NEDD1: variants seen among roughly 807,000 people sequenced by gnomAD.
The protein encoded by NEDD1 is NEDD1 gamma-tubulin ring complex targeting factor.
Under a neutral mutation model 74.0 loss-of-function variants are expected in NEDD1, and 33 were observed. That is an observed-to-expected ratio of 0.45 (90% CI 0.34 to 0.60). The LOEUF is 0.60. NEDD1 is among the 20% of genes least tolerant of loss of function. NEDD1 has a pLI of 0.01. For synonymous variants in NEDD1, 250 were observed against 264.4 expected (o/e 0.95, Z 0.53); for missense variants, 746 against 776.5 (o/e 0.96, Z 0.47).
intron 12 of NEDD1, among the ~76,000 whole-genome samples, 184 bp downstream of exon 12, chr12:96,943,946 G>A (rs1477521936): frequency 6.6e-6 from 1 of 152,042 alleles, no homozygotes; most frequent in Non-Finnish European, 1.5e-5. Context: ...GGTTACAGCA[G>A]ATGGAAAGTT....
intron 7 of NEDD1, 124 bp downstream of exon 7, chr12:96,935,329 T>C (rs772518586): frequency 3.0e-4 from 187 of 631,026 alleles, no homozygotes; most frequent in Non-Finnish European, 4.8e-4. Context: ...GTACAGTTGA[T>C]GGATCTAGTA....
chr12:96,935,569 C>T (rs1026754917), intron 7 of NEDD1, among the ~76,000 whole-genome samples: 1 of 152,064 alleles, frequency 6.6e-6, no homozygotes. Flanking sequence ...ACATTTTGGG[C>T]TGGGTAATTC....
chr12:96,910,659 G>A lies in NEDD1; in HGVS notation c.136+764G>A, dbSNP rs79533977. Among the ~76,000 whole-genome samples the A allele has an allele frequency of 3.5e-3, 539 of 152,234 alleles. 2 individuals are homozygous for A. The highest frequency in any genetic ancestry group is 0.024 in the Middle Eastern group (7 of 294). ...CGTGGAGGTTTATTGGTCTTCACCC[G>A]TTAGGTACCAATAGCCTCTAGTTGT... On this transcript the variant is annotated intron_variant, in intron 3 of 15. Coordinates refer to ENST00000266742, the MANE Select transcript of NEDD1 (RefSeq NM_152905.4).
rs768315555 is a variant in NEDD1, at chr12:96,920,095, T to G, written c.459T>G (p.Ser153=). 3.1e-6 allele frequency: 5 copies of G among 1,603,386 alleles called. No homozygotes were observed. In the East Asian group the frequency reaches 1.1e-4, roughly 36 times the overall value. ...IILHSVTTNL[S]STPFGHGSNQ... ...TACACAGTGTAACCACTAATTTATC[T>G]AGTACTCCTTTTGGCCATGGTAGTA... Residue 153 remains serine (S), a synonymous_variant, in exon 6 of 16, where the codon TCT becomes TCG. Transcript: ENST00000266742.
At chr12:96,917,557 A>G (rs1874594483) in intron 4 of NEDD1, 64 bp from the exon 5 acceptor site, 1 of 1,444,398 alleles carries the variant, frequency 6.9e-7, no homozygotes, top group Non-Finnish European at 9.1e-7. Context: ...GTGTTGGATG[A>G]GACCTGAAAG....
intron 6 of NEDD1, among the ~76,000 whole-genome samples, chr12:96,924,560 G>T (rs1313710284): frequency 3.3e-5 from 5 of 152,058 alleles, no homozygotes; most frequent in South Asian, 2.1e-4. Context: ...ATTTTTTGAT[G>T]ATACATTTCT....
intron 4 of NEDD1, among the ~76,000 whole-genome samples, chr12:96,917,010 A>G (rs1565787899): frequency 6.6e-6 from 1 of 152,172 alleles, no homozygotes; most frequent in Non-Finnish European, 1.5e-5. Context: ...ATCAAGGGTT[A>G]TTCTGGGTTT....
chr12:96,918,493 C>T (rs1282837995), intron 5 of NEDD1, among the ~76,000 whole-genome samples: 1 of 152,090 alleles, frequency 6.6e-6, no homozygotes, highest in Non-Finnish European at 1.5e-5. Flanking sequence ...TCACTTACCC[C>T]ATCCCTGCAT....
intron 10 of NEDD1, among the ~76,000 whole-genome samples, chr12:96,941,601 G>T (rs907114206): frequency 5.3e-5 from 8 of 152,014 alleles, no homozygotes; most frequent in African/African-American, 1.7e-4. Context: ...AAGGTTTCTG[G>T]GATTAGTGCT....
At chr12:96,926,353 A>G (rs6538753) in intron 6 of NEDD1, among the ~76,000 whole-genome samples, 68,621 of 151,896 alleles carry the variant, frequency 0.45, 15,697 homozygotes, top group South Asian at 0.51. Context: ...AAATGGTTAT[A>G]TTTGTTTTGT....
intron 6 of NEDD1, among the ~76,000 whole-genome samples, chr12:96,923,829 T>TGTGTGTGTGTGTGTGTGA (rs1186193892): frequency 1.4e-5 from 2 of 147,402 alleles, no homozygotes. Context: ...TGTGTGTGTG[T>TGTGTGTGTGTGTGTGTGA]GAAACTGTAT....
rs1027850309 is a variant in NEDD1, at chr12:96,907,299, A to T, written c.-263A>T. On this transcript the variant is annotated splice_region_variant and 5_prime_UTR_variant, in exon 1 of 16. Coordinates refer to ENST00000266742, the MANE Select transcript of NEDD1 (RefSeq NM_152905.4). ...GGCCCCCTGTTGTGTTGCTGCGGAG[A>T]GGTGAGGTTCCGGAGGCCCTGAGGT... 6.5e-6 allele frequency: 2 copies of T among 305,886 alleles called. No homozygotes were observed. The highest frequency in any genetic ancestry group is 1.2e-5 in the Non-Finnish European group (2 of 168,324). 18.9% of individuals were successfully genotyped at this position (305,886 alleles called of 1,614,324 possible).
intron 6 of NEDD1, among the ~76,000 whole-genome samples, chr12:96,929,179 T>A (rs1051917554): frequency 4.0e-5 from 6 of 151,894 alleles, no homozygotes; most frequent in African/African-American, 7.2e-5. Context: ...TTTTGATTTT[T>A]AAAAATTTCT....
intron 6 of NEDD1, among the ~76,000 whole-genome samples, chr12:96,924,380 A>G (rs895504149): frequency 9.2e-5 from 14 of 152,220 alleles, no homozygotes; most frequent in African/African-American, 3.4e-4. Flanking sequence ...TTAAGATTAT[A>G]TTGGATCTAT....
At position 96,952,606 on chromosome 12, in the gene NEDD1, A is replaced by AT. The variant is rs1457720142; in HGVS notation, c.*558dup. 1 of 151,782 alleles carries AT rather than the reference A, an allele frequency of 6.6e-6. No individual in the cohort carries two copies. The highest frequency in any genetic ancestry group is 6.6e-5 in the Admixed American group (1 of 15,200). The allele number at this position is 151,782 out of a possible 1,614,324, so 9.4% of individuals were successfully genotyped here. ...TATTTATTGTACATTTGATAAGACA[A>AT]TTTTTGGAATTTTGAATTGCACAAA... On this transcript the variant is annotated 3_prime_UTR_variant, in exon 16 of 16. Transcript: ENST00000266742.
rs1397699836 is a variant in NEDD1, at chr12:96,953,064, A to T, written c.*1011A>T. ...TAGATGTATACATCTACCTACTATG[A>T]TCTACAATTTTAGGTTAAGTGAAGC... On this transcript the variant is annotated 3_prime_UTR_variant, in exon 16 of 16. Coordinates refer to ENST00000266742, the MANE Select transcript of NEDD1 (RefSeq NM_152905.4). The T allele has an allele frequency of 6.6e-6, 1 of 151,504 alleles. No homozygotes were observed. Among genetic ancestry groups the T allele is most frequent in the African/African-American group, 2.4e-5 (1 of 41,340 alleles). The allele number at this position is 151,504 out of a possible 1,614,324, so 9.4% of individuals were successfully genotyped here. A position where few individuals can be genotyped will look rare whatever the true frequency, so the allele number is the denominator to read the frequency against.
intron 10 of NEDD1, among the ~76,000 whole-genome samples, chr12:96,942,352 A>T (rs1026515492): frequency 2.0e-5 from 3 of 152,126 alleles, no homozygotes; most frequent in Non-Finnish European, 4.4e-5. Flanking sequence ...TCATTAAATG[A>T]CTGTACTATA....
intron 11 of NEDD1, 94 bp downstream of exon 11, chr12:96,942,718 A>T: frequency 4.3e-6 from 3 of 701,952 alleles, no homozygotes; most frequent in Non-Finnish European, 5.1e-6. Context: ...TGAGGCTTAA[A>T]AAAATAAACA....
chr12:96,951,521 T>C, intron 15 of NEDD1, 23 bp downstream of exon 15: 2 of 1,197,578 alleles, frequency 1.7e-6, no homozygotes, highest in Non-Finnish European at 1.2e-6. Context: ...AATTTTATTT[T>C]AATATTTTAA....
Sources: gnomAD v4.1 joint callset for allele counts (sites outside exome capture counted in the v4.1 genomes callset) on GRCh38, gnomAD v4.1.1 for gene constraint, MANE v1.5 for transcripts, NCBI Gene and HGNC (gene_info 2026-07-23, HGNC 2026-07-21) for gene names.